SCFD2: variants seen among roughly 807,000 people sequenced by gnomAD.
The protein encoded by SCFD2 is sec1 family domain containing 2, also known as sec1 family domain-containing protein 2.
A neutral mutation model predicts 58.9 loss-of-function variants in SCFD2; 54 were observed. The ratio of observed to expected loss-of-function variants is 0.92; its 90% CI spans 0.74 to 1.15. The LOEUF (loss-of-function observed/expected upper bound fraction) is 1.15, where lower values mean the gene tolerates loss of function less well. Ranked by LOEUF, SCFD2 falls within the 50% of genes most tolerant of loss-of-function variation. The pLI is 0.00. For synonymous variants in SCFD2, 321 were observed against 335.9 expected (o/e 0.96, Z 0.49); for missense variants, 805 against 836.6 (o/e 0.96, Z 0.47).
chr4:53,332,248 G>A (rs1035540802), intron 2 of SCFD2, among the ~76,000 whole-genome samples: 4 of 151,352 alleles, frequency 2.6e-5, no homozygotes, highest in African/African-American at 9.7e-5. Flanking sequence ...CTCATTTTAT[G>A]AGGCCAGCAT....
intron 4 of SCFD2, among the ~76,000 whole-genome samples, chr4:53,253,046 AAAAC>A (rs1452257356): frequency 4.1e-4 from 63 of 152,348 alleles, no homozygotes; most frequent in Non-Finnish European, 7.1e-4. Context: ...TTACAAGAAA[AAAAC>A]AAACAACCCC....
At position 52,885,938 on chromosome 4, in the gene SCFD2, T is replaced by C. The variant is rs2109447504; in HGVS notation, c.1843-72A>G. ...GGCACAATGCAGCTGGGTACCATCT[T>C]CATTGTCCCTCTGTAGAAACCTCAG... On this transcript the variant is annotated intron_variant, in intron 7 of 8. Coordinates refer to ENST00000401642, the MANE Select transcript of SCFD2 (RefSeq NM_152540.4). 5.7e-6 allele frequency: 9 copies of C among 1,574,602 alleles called. 1 individual carries two copies. In the South Asian group the frequency reaches 1.0e-4, roughly 18 times the overall value.
At chr4:53,137,449 AGTT>A (rs1229170082) in intron 5 of SCFD2, among the ~76,000 whole-genome samples, 1 of 152,240 alleles carries the variant, frequency 6.6e-6, no homozygotes, top group Non-Finnish European at 1.5e-5. Flanking sequence ...AACAAACCCC[AGTT>A]GTTATGCTAA....
chr4:53,033,060 A>C (rs1433275743), intron 5 of SCFD2, among the ~76,000 whole-genome samples: 1 of 152,170 alleles, frequency 6.6e-6, no homozygotes, highest in African/African-American at 2.4e-5. Context: ...TTGACCACAT[A>C]ATTGAAAGTG....
intron 4 of SCFD2, among the ~76,000 whole-genome samples, chr4:53,217,721 C>T (rs1728898321): frequency 6.6e-6 from 1 of 152,140 alleles, no homozygotes; most frequent in Non-Finnish European, 1.5e-5. Flanking sequence ...TTAGTTGATG[C>T]AGTTTCTTCA....
At chr4:53,166,234 T>C (rs1351514743) in intron 4 of SCFD2, among the ~76,000 whole-genome samples, 2 of 152,238 alleles carry the variant, frequency 1.3e-5, no homozygotes, top group African/African-American at 2.4e-5. Context: ...GCTATAAACA[T>C]TGATGTATCA....
intron 4 of SCFD2, among the ~76,000 whole-genome samples, chr4:53,272,865 T>A (rs1005684956): frequency 2.6e-5 from 4 of 151,798 alleles, no homozygotes; most frequent in Non-Finnish European, 4.4e-5. Flanking sequence ...TAAAAAAAAA[T>A]AGAACCTTGA....
intron 5 of SCFD2, among the ~76,000 whole-genome samples, chr4:52,992,508 C>A (rs1004835914): frequency 6.6e-6 from 1 of 151,492 alleles, no homozygotes; most frequent in Non-Finnish European, 1.5e-5. Flanking sequence ...ATGTGAGGAG[C>A]CCCTCTGCCC....
chr4:53,315,491 C>T (rs1732834447), intron 2 of SCFD2, among the ~76,000 whole-genome samples: 1 of 151,956 alleles, frequency 6.6e-6, no homozygotes, highest in African/African-American at 2.4e-5. Context: ...TGACAGGAAG[C>T]CAAGGAGCAT....
At chr4:53,300,919 A>G (rs1177562877) in intron 3 of SCFD2, among the ~76,000 whole-genome samples, 1 of 152,210 alleles carries the variant, frequency 6.6e-6, no homozygotes, top group Non-Finnish European at 1.5e-5. Context: ...AAGACACAAC[A>G]TATCAGAATC....
chr4:53,195,871 A>C (rs1201401799), intron 4 of SCFD2, among the ~76,000 whole-genome samples: 1 of 152,184 alleles, frequency 6.6e-6, no homozygotes, highest in Non-Finnish European at 1.5e-5. Context: ...AAAAACAGAA[A>C]TCTAGCTCAA....
In SCFD2 at chr4:53,365,933, G is replaced by A; in HGVS notation, c.9C>T (p.Ala3=). ...GCTGGGTAAAGGACAGTACGCCCGA[G>A]GCGCTCATGGTTGGGGATTCGCAGA... MS[A]SGVLSFTQQG... The change falls in exon 1 of 9, where the codon GCC becomes GCT. Residue 3 remains alanine, a synonymous_variant. Transcript: ENST00000401642. This position sits in a 1 kb window ranked among gnomAD's most constrained non-coding sequence, Gnocchi z 4.3. 2.0e-6 allele frequency: 3 copies of A among 1,533,806 alleles called. No individual in the cohort carries two copies. The highest frequency in any genetic ancestry group is 1.2e-5 in the South Asian group (1 of 81,702).
chr4:53,219,967 A>G (rs1457301327), intron 4 of SCFD2, among the ~76,000 whole-genome samples: 2 of 151,958 alleles, frequency 1.3e-5, no homozygotes, highest in Non-Finnish European at 2.9e-5. Flanking sequence ...GTGGCCTCCA[A>G]TCTGCTGGGG....
chr4:53,032,254 C>A (rs181741475), intron 5 of SCFD2, among the ~76,000 whole-genome samples: 1 of 152,142 alleles, frequency 6.6e-6, no homozygotes, highest in Non-Finnish European at 1.5e-5. Flanking sequence ...GATTTTGTCA[C>A]CACCAGGCAT....
At chr4:53,305,637 G>T (rs1732490396) in intron 3 of SCFD2, among the ~76,000 whole-genome samples, 1 of 151,476 alleles carries the variant, frequency 6.6e-6, no homozygotes, top group Non-Finnish European at 1.5e-5. Context: ...ACATATAATG[G>T]GTTTATTATT....
chr4:53,350,225 T>C (rs370095651), intron 2 of SCFD2, among the ~76,000 whole-genome samples: 2 of 152,190 alleles, frequency 1.3e-5, no homozygotes, highest in South Asian at 2.1e-4. Context: ...CCATGCCATA[T>C]GATATTAGCA....
chr4:53,089,041 A>C (rs1724396061), intron 5 of SCFD2, among the ~76,000 whole-genome samples: 1 of 152,116 alleles, frequency 6.6e-6, no homozygotes, highest in African/African-American at 2.4e-5. Flanking sequence ...GCAAGACACT[A>C]TCTGTGAACC....
chr4:53,087,195 G>C (rs1724331720), intron 5 of SCFD2, among the ~76,000 whole-genome samples: 1 of 152,072 alleles, frequency 6.6e-6, no homozygotes, highest in Non-Finnish European at 1.5e-5. Context: ...TGAAGGAAAA[G>C]CTATCTTTGC....
chr4:53,220,064 T>A (rs1729003280), intron 4 of SCFD2, among the ~76,000 whole-genome samples: 1 of 152,148 alleles, frequency 6.6e-6, no homozygotes, highest in Non-Finnish European at 1.5e-5. Flanking sequence ...CATGGTTCAC[T>A]CCCTCTCTTC....
Sources: gnomAD v4.1 joint callset for allele counts (sites outside exome capture counted in the v4.1 genomes callset) on GRCh38, gnomAD v4.1.1 for gene constraint, Gnocchi (gnomAD v3.1) non-coding constraint, MANE v1.5 for transcripts, NCBI Gene and HGNC (gene_info 2026-07-23, HGNC 2026-07-21) for gene names.